The following GRM7 variants were observed in gnomAD, a reference collection of about 807,000 sequenced individuals.
GRM7 encodes the protein glutamate metabotropic receptor 7, also known as metabotropic glutamate receptor 7.
Under a neutral mutation model 84.5 loss-of-function variants are expected in GRM7, and 35 were observed. The observed-to-expected ratio is 0.41, with a 90% CI of 0.32 to 0.55. The LOEUF is 0.55. Among genes scored for constraint, GRM7 ranks in the 20% least tolerant of loss-of-function variants. GRM7 has a pLI of 0.19. For missense variants in GRM7, 1,003 were observed against 1,194.6 expected, an observed-to-expected ratio of 0.84 and a Z score of 2.36; for synonymous variants, 487 against 455.1, an observed-to-expected ratio of 1.07 and a Z score of -0.89.
intron 2 of GRM7, among the ~76,000 whole-genome samples, chr3:7,147,483 T>C (rs544010054): frequency 6.6e-6 from 1 of 152,238 alleles, no homozygotes; most frequent in African/African-American, 2.4e-5. Context: ...TTTCATGCAA[T>C]TTAAAGTGTT....
chr3:7,676,414 A>G (rs1449769680), intron 8 of GRM7, among the ~76,000 whole-genome samples: 1 of 152,102 alleles, frequency 6.6e-6, no homozygotes, highest in Admixed American at 6.5e-5. Flanking sequence ...ATTTTGATAA[A>G]CAGATTATAT....
intron 2 of GRM7, among the ~76,000 whole-genome samples, chr3:7,225,418 TATAA>T (rs1429466414): frequency 4.1e-5 from 6 of 147,932 alleles, no homozygotes; most frequent in Admixed American, 6.8e-5. Flanking sequence ...TAAATGTAAA[TATAA>T]ATATAGTTAT....
chr3:7,398,479 T>C (rs1367277781), intron 4 of GRM7, among the ~76,000 whole-genome samples: 1 of 152,120 alleles, frequency 6.6e-6, no homozygotes, highest in African/African-American at 2.4e-5. Flanking sequence ...GATAATGCAA[T>C]GGGCTATCCC....
At chr3:7,326,504 G>GT in intron 4 of GRM7, among the ~76,000 whole-genome samples, 1 of 152,164 alleles carries the variant, frequency 6.6e-6, no homozygotes, top group African/African-American at 2.4e-5. Context: ...AGCACCCTAC[G>GT]TATCAAGAGA....
chr3:7,303,367 A>C (rs1700076264), intron 3 of GRM7, among the ~76,000 whole-genome samples: 1 of 152,126 alleles, frequency 6.6e-6, no homozygotes, highest in East Asian at 1.9e-4. Context: ...CTCTTTTGGC[A>C]GTTACTTTAA....
At chr3:7,249,212 T>C (rs1167829546) in intron 2 of GRM7, among the ~76,000 whole-genome samples, 1 of 152,222 alleles carries the variant, frequency 6.6e-6, no homozygotes, top group Non-Finnish European at 1.5e-5. Flanking sequence ...AAAGATTAAT[T>C]ATACCTTTTC....
At chr3:6,990,757 C>T (rs917900358) in intron 1 of GRM7, among the ~76,000 whole-genome samples, 1 of 152,166 alleles carries the variant, frequency 6.6e-6, no homozygotes, top group Admixed American at 6.5e-5. Context: ...TATTTCTCCC[C>T]AACATTCCTC....
intron 7 of GRM7, among the ~76,000 whole-genome samples, chr3:7,545,704 G>A (rs1235241264): frequency 1.3e-5 from 2 of 152,114 alleles, no homozygotes; most frequent in Non-Finnish European, 1.5e-5. Context: ...GGCAAGGAGG[G>A]TAGTGATTGA....
chr3:7,450,687 A>G (rs1220941723), intron 5 of GRM7, among the ~76,000 whole-genome samples: 1 of 151,616 alleles, frequency 6.6e-6, no homozygotes, highest in Non-Finnish European at 1.5e-5. Flanking sequence ...AATGGGAAAT[A>G]GCTGCATAAA....
At chr3:7,568,849 C>T (rs1053871693) in intron 7 of GRM7, among the ~76,000 whole-genome samples, 1 of 152,116 alleles carries the variant, frequency 6.6e-6, no homozygotes, top group Admixed American at 6.5e-5. Flanking sequence ...GGGCTCGGGA[C>T]CTGCAGCCCG....
chr3:7,100,974 A>T (rs977108320), intron 1 of GRM7, among the ~76,000 whole-genome samples: 5 of 117,726 alleles, frequency 4.2e-5, no homozygotes, highest in African/African-American at 1.9e-4. Flanking sequence ...TTATTAATAT[A>T]CTAAAGATTT....
In GRM7 at chr3:7,697,086, GTCTT is replaced by G. The variant is rs948618885; in HGVS notation, c.2698+16799_2698+16802del. Reference sequence around the variant, plus strand: ...AAGGGATTGAGAAAGAAAGAACCATGTCTTTCTTTCTATGAACTTGCATACAAGC... The same window carrying G: ...AAGGGATTGAGAAAGAAAGAACCATGTCTTTCTATGAACTTGCATACAAGC... On this transcript the variant is annotated intron_variant, in intron 9 of 9. Transcript: ENST00000357716. 5.1e-4 allele frequency among the ~76,000 whole-genome samples: 78 copies of G among 152,098 alleles called. 1 individual carries two copies. The highest frequency in any genetic ancestry group is 3.4e-3 in the Middle Eastern group (1 of 294).
At chr3:7,259,965 T>TTTTTTTTTTTTTTTTTTTG (rs1698355866) in intron 2 of GRM7, among the ~76,000 whole-genome samples, 1 of 147,732 alleles carries the variant, frequency 6.8e-6, no homozygotes, top group African/African-American at 2.6e-5. Flanking sequence ...TTTTTTTTTT[T>TTTTTTTTTTTTTTTTTTTG]GACGTTTTAA....
intron 2 of GRM7, among the ~76,000 whole-genome samples, chr3:7,158,834 T>G (rs1041043698): frequency 7.9e-5 from 12 of 152,314 alleles, no homozygotes; most frequent in Non-Finnish European, 1.5e-4. Context: ...CTGTGTTATA[T>G]TAGAGACAAA....
At chr3:7,694,328 A>AAATT (rs1351907463) in intron 9 of GRM7, 1 of 448,254 alleles carries the variant, frequency 2.2e-6, no homozygotes, top group African/African-American at 2.1e-5. Flanking sequence ...GCGTCATCTC[A>AAATT]AATTAACTGG....
At chr3:7,700,891 C>T (rs1701202001) in intron 9 of GRM7, among the ~76,000 whole-genome samples, 1 of 152,148 alleles carries the variant, frequency 6.6e-6, no homozygotes, top group African/African-American at 2.4e-5. Flanking sequence ...GTGATCAGTC[C>T]TCATCTCACA....
chr3:6,910,464 A>G (rs1696729890), intron 1 of GRM7, among the ~76,000 whole-genome samples: 1 of 152,164 alleles, frequency 6.6e-6, no homozygotes, highest in African/African-American at 2.4e-5. Context: ...TTAAAACAGA[A>G]GGGGACACAG....
chr3:7,263,018 G>T (rs1207071650), intron 2 of GRM7, among the ~76,000 whole-genome samples: 1 of 152,228 alleles, frequency 6.6e-6, no homozygotes, highest in Non-Finnish European at 1.5e-5. Context: ...AGTTGTCAGA[G>T]TTCTTGTTCT....
intron 1 of GRM7, among the ~76,000 whole-genome samples, chr3:6,985,641 G>A (rs980386597): frequency 6.6e-6 from 1 of 152,166 alleles, no homozygotes; most frequent in East Asian, 1.9e-4. Context: ...TGAGGTAGAC[G>A]CTGGATGTGA....
Sources: gnomAD v4.1 joint callset for allele counts (sites outside exome capture counted in the v4.1 genomes callset) on GRCh38, gnomAD v4.1.1 for gene constraint, MANE v1.5 for transcripts, NCBI Gene and HGNC (gene_info 2026-07-23, HGNC 2026-07-21) for gene names.